The following ULK4 variants were observed in gnomAD, a reference collection of about 807,000 sequenced individuals.
ULK4 encodes inactive serine/threonine-protein kinase ULK4.
A neutral mutation model predicts 160.6 loss-of-function variants in ULK4; 133 were observed. The ratio of observed to expected loss-of-function variants is 0.83; its 90% confidence interval spans 0.72 to 0.96. ULK4 has a LOEUF of 0.96. Among genes scored for constraint, ULK4 ranks in the 40% least tolerant of loss-of-function variants. The probability of loss-of-function intolerance (pLI) is 0.00; values close to 1 mark genes in which losing one functional copy is unlikely to be tolerated. For synonymous variants in ULK4, 534 were observed against 539.8 expected (o/e 0.99, Z 0.15); for missense variants, 1,580 against 1,499.5 (o/e 1.05, Z -0.89).
chr3:41,316,580 A>G (rs1419944963), intron 35 of ULK4, among the ~76,000 whole-genome samples: 2 of 152,196 alleles, frequency 1.3e-5, no homozygotes, highest in Non-Finnish European at 2.9e-5. Flanking sequence ...ACATGGGCAT[A>G]AAGATGGGAA....
chr3:41,804,711 T>G (rs993466464), intron 19 of ULK4, among the ~76,000 whole-genome samples: 17 of 152,290 alleles, frequency 1.1e-4, no homozygotes, highest in African/African-American at 4.1e-4. Context: ...GGCTAGCCAG[T>G]TTTCCCAGCA....
intron 35 of ULK4, among the ~76,000 whole-genome samples, chr3:41,351,384 C>G (rs888257842): frequency 3.3e-5 from 5 of 152,156 alleles, no homozygotes; most frequent in African/African-American, 1.2e-4. Context: ...CAACATGCAC[C>G]TGATGGACAA....
intron 12 of ULK4, among the ~76,000 whole-genome samples, chr3:41,906,841 A>G (rs1442536238): frequency 6.6e-6 from 1 of 152,142 alleles, no homozygotes; most frequent in Non-Finnish European, 1.5e-5. Context: ...AAAAATACAA[A>G]AATTAGCTGG....
intron 35 of ULK4, among the ~76,000 whole-genome samples, chr3:41,387,079 CT>C (rs144506094): frequency 9.9e-5 from 15 of 152,004 alleles, no homozygotes; most frequent in Admixed American, 5.2e-4. Context: ...CAGTATATTT[CT>C]TTTTTTGATA....
In ULK4 at chr3:41,602,019, C is replaced by T. The variant is rs149699497; in HGVS notation, c.3120+13650G>A. Among the ~76,000 whole-genome samples the T allele has an allele frequency of 1.8e-3, 279 of 152,110 alleles. 4 individuals carry two copies. The South Asian group carries it at 0.034, about 19-fold the overall frequency. ...TACCAGGCTGGGCAACATAGTGAGACCCTGTCTCTACAAAAAGTAAAATAA... is the reference window on the plus strand; with the variant it reads ...TACCAGGCTGGGCAACATAGTGAGATCCTGTCTCTACAAAAAGTAAAATAA... On this transcript the variant is annotated intron_variant, in intron 31 of 36. Coordinates refer to ENST00000301831, the MANE Select transcript of ULK4 (RefSeq NM_017886.4).
intron 34 of ULK4, among the ~76,000 whole-genome samples, chr3:41,406,474 T>C (rs941141960): frequency 3.9e-5 from 6 of 152,232 alleles, no homozygotes; most frequent in African/African-American, 1.4e-4. Flanking sequence ...CCATACGAAT[T>C]TTAGAATGGC....
chr3:41,776,429 CA>C (rs1440276643), intron 21 of ULK4, among the ~76,000 whole-genome samples: 1 of 149,548 alleles, frequency 6.7e-6, no homozygotes, highest in Non-Finnish European at 1.5e-5. Context: ...AGTCTTATGT[CA>C]GAAAAAAAAT....
intron 32 of ULK4, among the ~76,000 whole-genome samples, chr3:41,535,202 C>T (rs1277861349): frequency 6.6e-6 from 1 of 152,214 alleles, no homozygotes; most frequent in Non-Finnish European, 1.5e-5. Flanking sequence ...GGTGTTCACA[C>T]CCATTCTGCA....
At chr3:41,680,599 A>G (rs2035893326) in intron 29 of ULK4, among the ~76,000 whole-genome samples, 1 of 152,200 alleles carries the variant, frequency 6.6e-6, no homozygotes, top group Non-Finnish European at 1.5e-5. Flanking sequence ...AACTCTTAAC[A>G]TTGGCCAAAA....
At chr3:41,859,372 T>G in intron 17 of ULK4, 1 of 581,324 alleles carries the variant, frequency 1.7e-6, no homozygotes, top group Non-Finnish European at 3.4e-6. Flanking sequence ...ATGCTTCAGA[T>G]ACCAGACGGC....
At chr3:41,634,121 C>T (rs781055690) in intron 30 of ULK4, among the ~76,000 whole-genome samples, 4 of 152,210 alleles carry the variant, frequency 2.6e-5, no homozygotes, top group Non-Finnish European at 5.9e-5. Flanking sequence ...TTACACTGTG[C>T]CTTTCATGGG....
intron 32 of ULK4, among the ~76,000 whole-genome samples, chr3:41,515,084 C>G (rs1237245566): frequency 2.0e-5 from 3 of 151,868 alleles, no homozygotes; most frequent in African/African-American, 7.3e-5. Flanking sequence ...TGATGAAACC[C>G]TGTCCCTACT....
rs112155731 is a variant in ULK4 at position 41,402,865 on chromosome 3, G to C, written c.3493-4601C>G. Among the ~76,000 whole-genome samples the C allele has an allele frequency of 7.5e-3, 1,141 of 152,146 alleles. 17 individuals are homozygous for C. Among genetic ancestry groups the C allele is most frequent in the African/African-American group, 0.026 (1,078 of 41,538 alleles). ...AATATCACCCTCATAAAATGAGTTGGGAAATGTCCCCTCTTCTATTCATGT... is the reference window on the plus strand; with the variant it reads ...AATATCACCCTCATAAAATGAGTTGCGAAATGTCCCCTCTTCTATTCATGT... On this transcript the variant is annotated intron_variant, in intron 34 of 36. Coordinates refer to ENST00000301831, the MANE Select transcript of ULK4 (RefSeq NM_017886.4).
At chr3:41,735,547 A>C (rs947012433) in intron 22 of ULK4, among the ~76,000 whole-genome samples, 2 of 152,076 alleles carry the variant, frequency 1.3e-5, no homozygotes, top group African/African-American at 2.4e-5. Context: ...TACTGGAATA[A>C]CATGTAAATT....
intron 21 of ULK4, among the ~76,000 whole-genome samples, chr3:41,783,784 A>G (rs1407447247): frequency 6.6e-6 from 1 of 152,246 alleles, no homozygotes; most frequent in Non-Finnish European, 1.5e-5. Context: ...TTGTAATTAT[A>G]GAAAATTGTA....
chr3:41,513,322 C>T (rs2085648691), intron 32 of ULK4, among the ~76,000 whole-genome samples: 1 of 152,172 alleles, frequency 6.6e-6, no homozygotes, highest in Admixed American at 6.5e-5. Flanking sequence ...AACTAAAAAG[C>T]TTCTGCACAG....
intron 17 of ULK4, among the ~76,000 whole-genome samples, chr3:41,857,946 AATTTC>A (rs1303597491): frequency 6.6e-6 from 1 of 151,748 alleles, no homozygotes; most frequent in Non-Finnish European, 1.5e-5. Flanking sequence ...TCTCCATTTC[AATTTC>A]ATTTATTTCT....
chr3:41,458,882 A>G (rs1388257324), intron 33 of ULK4, among the ~76,000 whole-genome samples: 1 of 151,540 alleles, frequency 6.6e-6, no homozygotes, highest in Non-Finnish European at 1.5e-5. Context: ...CAGCCTCCCA[A>G]GTGGCTGGGA....
At position 41,455,564 on chromosome 3, in the gene ULK4, T is replaced by C. The variant is rs1382226129; in HGVS notation, c.3425A>G (p.Gln1142Arg). 1.9e-6 allele frequency: 3 copies of C among 1,613,968 alleles called. No homozygotes were observed. Among genetic ancestry groups the C allele is most frequent in the Non-Finnish European group, 8.5e-7 (1 of 1,179,906 alleles). The change falls in exon 34 of 37, where the codon CAG (glutamine) becomes CGG (arginine). Residue 1142 changes from glutamine to arginine, a missense_variant. Gln to Arg is a conservative substitution (Grantham distance 43). Coordinates refer to ENST00000301831, the MANE Select transcript of ULK4 (RefSeq NM_017886.4). ...GAGCAGCAGCAGGTCTTCTGCAGCC[T>C]GAGGGTCCTCTCCTGAGCCAGACTT... ...AQKSGSGEDP[Q>R]AAEDLLLLNR...
Sources: gnomAD v4.1 joint callset for allele counts (sites outside exome capture counted in the v4.1 genomes callset) on GRCh38, gnomAD v4.1.1 for gene constraint, MANE v1.5 for transcripts, NCBI Gene and HGNC (gene_info 2026-07-23, HGNC 2026-07-21) for gene names.